The following ERAP1 variants were observed in gnomAD, a reference collection of about 807,000 sequenced individuals.
The protein encoded by ERAP1 is endoplasmic reticulum aminopeptidase 1.
A neutral mutation model predicts 103.7 loss-of-function variants in ERAP1; 86 were observed. That is an observed-to-expected ratio of 0.83 (90% CI 0.70 to 0.99). ERAP1 has a LOEUF of 0.99. ERAP1 is among the 50% of genes least tolerant of loss of function. The pLI, the probability that ERAP1 is intolerant of heterozygous loss-of-function variation, is 0.00. For synonymous variants in ERAP1, 398 were observed against 402.4 expected (o/e 0.99, Z 0.13); for missense variants, 1,009 against 1,128.4 (o/e 0.89, Z 1.52).
chr5:96,888,758 A>C, the ERAP1 span, among the ~76,000 whole-genome samples: 1 of 152,252 alleles, frequency 6.6e-6, no homozygotes, highest in Non-Finnish European at 1.5e-5. Flanking sequence ...GGCGGATCCA[A>C]TAAGTTCTTC....
At chr5:96,885,641 C>T in the ERAP1 span, among the ~76,000 whole-genome samples, 4 of 152,226 alleles carry the variant, frequency 2.6e-5, no homozygotes, top group Non-Finnish European at 5.9e-5. Context: ...GTCAAACATG[C>T]TTAATAAGCT....
the ERAP1 span, among the ~76,000 whole-genome samples, chr5:96,903,849 G>A: frequency 3.3e-5 from 5 of 152,090 alleles, no homozygotes; most frequent in African/African-American, 9.7e-5. Flanking sequence ...TATCCTGTGG[G>A]CCACAGGATA....
chr5:96,806,623 C>CTTTTTTTTTTTTTTT (rs75649816), intron 1 of ERAP1, among the ~76,000 whole-genome samples: 1 of 128,020 alleles, frequency 7.8e-6, no homozygotes, highest in African/African-American at 3.0e-5. Flanking sequence ...CAAGATCCCT[C>CTTTTTTTTTTTTTTT]TTTTTTTTTT....
intron 18 of ERAP1, among the ~76,000 whole-genome samples, chr5:96,778,929 A>G (rs1333709144): frequency 6.6e-6 from 1 of 152,158 alleles, no homozygotes; most frequent in Non-Finnish European, 1.5e-5. Context: ...TTTGCTCTCC[A>G]TTATGATAAC....
At chr5:96,882,948 T>G in the ERAP1 span, among the ~76,000 whole-genome samples, 1 of 152,190 alleles carries the variant, frequency 6.6e-6, no homozygotes, top group Non-Finnish European at 1.5e-5. Context: ...TAATTGAAGC[T>G]TAAAGTCCAA....
At chr5:96,901,680 A>G in the ERAP1 span, 8 of 1,613,150 alleles carry the variant, frequency 5.0e-6, no homozygotes, top group Non-Finnish European at 6.8e-6. Context: ...CCTGCAGGAG[A>G]GGTGGCTGCT....
At chr5:96,912,636 G>A in the ERAP1 span, 5 of 1,603,156 alleles carry the variant, frequency 3.1e-6, no homozygotes, top group Non-Finnish European at 4.2e-6. Context: ...TGATATTACA[G>A]TATACCAACA....
At chr5:96,765,915 T>A in intron 19 of ERAP1, 1 of 585,208 alleles carries the variant, frequency 1.7e-6, no homozygotes, top group Non-Finnish European at 3.1e-6. Flanking sequence ...TGTGTTGTTC[T>A]GTTGCTTAAA....
At position 96,774,979 on chromosome 5, in the gene ERAP1, T is replaced by A; in HGVS notation, c.*1417A>T. On this transcript the variant is annotated 3_prime_UTR_variant, in exon 19 of 19. Coordinates refer to ENST00000443439, the MANE Select transcript of ERAP1 (RefSeq NM_001040458.3). The stretch of plus-strand genomic sequence containing the variant: ...TGCCTTATATTCAAAAAGTTCAGTT[T>A]GAATTCTCCTTTGCCAGGTGTGAGG... 2.0e-6 allele frequency: 2 copies of A among 985,588 alleles called. No individual in the cohort carries two copies. The highest frequency in any genetic ancestry group is 2.4e-6 in the Non-Finnish European group (2 of 829,926). The allele number at this position is 985,588 out of a possible 1,614,324, so 61.1% of individuals were successfully genotyped here.
chr5:96,819,582 C>T, the ERAP1 span, among the ~76,000 whole-genome samples: 1 of 152,144 alleles, frequency 6.6e-6, no homozygotes, highest in South Asian at 2.1e-4. Context: ...GTTTCCTTTA[C>T]TTGCCTTGAA....
At chr5:96,889,745 G>A in the ERAP1 span, among the ~76,000 whole-genome samples, 1,601 of 152,146 alleles carry the variant, frequency 0.011, 16 homozygotes, top group Non-Finnish European at 0.016. Flanking sequence ...CTCCTCTTCT[G>A]TGGGAGGGAA....
At chr5:96,918,509 G>T in the ERAP1 span, 1 of 152,184 alleles carries the variant, frequency 6.6e-6, no homozygotes, top group South Asian at 2.1e-4. Context: ...AACCTCAAGG[G>T]TAGATTTTTG....
At chr5:96,889,279 A>G in the ERAP1 span, 1 of 1,613,966 alleles carries the variant, frequency 6.2e-7, no homozygotes, top group Non-Finnish European at 8.5e-7. Context: ...AAGTACTTTG[A>G]TATCTACTAT....
the ERAP1 span, among the ~76,000 whole-genome samples, chr5:96,856,365 T>TATATATAGAGAGAGAGAGAGAGAGAG: frequency 4.9e-5 from 1 of 20,392 alleles, no homozygotes; most frequent in Non-Finnish European, 1.1e-4. Context: ...TATATATATA[T>TATATATAGAGAGAGAGAGAGAGAGAG]AGAGAGAGAG....
the ERAP1 span, among the ~76,000 whole-genome samples, chr5:96,853,542 G>A: frequency 1.3e-5 from 2 of 152,096 alleles, no homozygotes; most frequent in Non-Finnish European, 2.9e-5. Flanking sequence ...AGATATAAAA[G>A]CAGCTCTTAG....
At chr5:96,787,693 T>C (rs967204367) in intron 11 of ERAP1, among the ~76,000 whole-genome samples, 57 of 152,152 alleles carry the variant, frequency 3.7e-4, no homozygotes, top group African/African-American at 1.3e-3. Context: ...CATATGTATA[T>C]AGGTATGTAT....
At chr5:96,901,331 C>T in the ERAP1 span, among the ~76,000 whole-genome samples, 1 of 152,132 alleles carries the variant, frequency 6.6e-6, no homozygotes, top group African/African-American at 2.4e-5. Context: ...CAGAGAGCAG[C>T]CCTGGGATAG....
chr5:96,890,268 T>C, the ERAP1 span, among the ~76,000 whole-genome samples: 2 of 152,212 alleles, frequency 1.3e-5, no homozygotes, highest in African/African-American at 4.8e-5. Context: ...ATGAAACTGT[T>C]CCACCTCAGA....
At chr5:96,830,151 C>G in the ERAP1 span, among the ~76,000 whole-genome samples, 1 of 152,150 alleles carries the variant, frequency 6.6e-6, no homozygotes, top group East Asian at 1.9e-4. Flanking sequence ...TATGGGACTG[C>G]ATCCCAGCTG....
Sources: gnomAD v4.1 joint callset for allele counts (sites outside exome capture counted in the v4.1 genomes callset) on GRCh38, gnomAD v4.1.1 for gene constraint, MANE v1.5 for transcripts, NCBI Gene and HGNC (gene_info 2026-07-23, HGNC 2026-07-21) for gene names.